Variants in TSPAN9 observed in about 807,000 individuals in gnomAD.
TSPAN9 encodes the protein tetraspanin-9.
In TSPAN9, 16 loss-of-function variants were observed where a neutral mutation model predicts 31.0. The observed-to-expected ratio is 0.52, with a 90% CI of 0.35 to 0.78. The LOEUF is 0.78. Among genes scored for constraint, TSPAN9 ranks in the 30% least tolerant of loss-of-function variants. The pLI, the probability that TSPAN9 is intolerant of heterozygous loss-of-function variation, is 0.01. For synonymous variants in TSPAN9, 145 were observed against 121.6 expected (o/e 1.19, Z -1.27); for missense variants, 272 against 312.5 (o/e 0.87, Z 0.98).
At chr12:3,151,458 G>C (rs1565594028) in intron 2 of TSPAN9, 1 of 152,222 alleles carries the variant, frequency 6.6e-6, no homozygotes, top group Non-Finnish European at 1.5e-5. Flanking sequence ...TTGCTTACAG[G>C]AGGGGCCGGC....
intron 1 of TSPAN9, 80 bp from the exon 2 acceptor site, chr12:3,083,573 A>G (rs2098298948): frequency 6.6e-6 from 1 of 152,270 alleles, no homozygotes; most frequent in South Asian, 2.1e-4. Context: ...GCTGCCCCAA[A>G]GAGTGGTCCT....
rs990105586 is a variant in TSPAN9, at chr12:3,147,941, A to T, written c.-17-53236A>T. On this transcript the variant is annotated intron_variant, in intron 2 of 8. Transcript: ENST00000011898. This position sits in a 1 kb window ranked among gnomAD's most constrained non-coding sequence, Gnocchi z 4.3. ...GGGGGCACAGCTTGGCAGATAAAGG[A>T]TGGGCTCCTGCAAGTCTAATCTGGG... Among the ~76,000 whole-genome samples the T allele has an allele frequency of 6.6e-5, 10 of 152,106 alleles. No homozygotes were observed. The highest frequency in any genetic ancestry group is 1.3e-4 in the Non-Finnish European group (9 of 68,018).
chr12:3,153,640 C>T (rs117449959), intron 2 of TSPAN9, among the ~76,000 whole-genome samples: 1 of 152,052 alleles, frequency 6.6e-6, no homozygotes, highest in Non-Finnish European at 1.5e-5. Flanking sequence ...TTTTAACTTA[C>T]CTAAATAGTA....
At chr12:3,218,001 G>A (rs11062578) in intron 3 of TSPAN9, among the ~76,000 whole-genome samples, 10,411 of 152,244 alleles carry the variant, frequency 0.068, 438 homozygotes, top group Non-Finnish European at 0.092. Flanking sequence ...AGGTCATTGT[G>A]TGGTGTGTGG....
chr12:3,132,177 C>T (rs2098330091), intron 2 of TSPAN9, among the ~76,000 whole-genome samples: 1 of 152,144 alleles, frequency 6.6e-6, no homozygotes, highest in African/African-American at 2.4e-5. Context: ...TGTTGATGGA[C>T]ATTTGGGTTG....
rs369491933 is a variant in TSPAN9 at position 3,090,376 on chromosome 12, C to A, written c.-18+6657C>A. On this transcript the variant is annotated intron_variant, in intron 2 of 8. Transcript: ENST00000011898. ...TTTTGGGCTGGTCTCTGCAGTCTTG[C>A]CTGGGCTTATTAATGCGGTAGCAGT... 3.5e-4 allele frequency among the ~76,000 whole-genome samples: 54 copies of A among 152,288 alleles called. No homozygotes were observed. The South Asian group carries it at 0.011, about 30-fold the overall frequency.
chr12:3,083,227 G>A (rs1255513602), intron 1 of TSPAN9, among the ~76,000 whole-genome samples: 3 of 152,280 alleles, frequency 2.0e-5, no homozygotes, highest in Non-Finnish European at 4.4e-5. Flanking sequence ...TAGCGTACGC[G>A]ATGCAAACAC....
rs1368749450 is a variant in TSPAN9, at chr12:3,143,601, G to C, written c.-17-57576G>C. Among the ~76,000 whole-genome samples, 1 of 152,082 alleles carries C rather than the reference G, an allele frequency of 6.6e-6. No individual in the cohort carries two copies. Among genetic ancestry groups the C allele is most frequent in the Admixed American group, 6.6e-5 (1 of 15,260 alleles). ...CACAGATAAAAAGTATAAATGTATG[G>C]ATATAGGATATATAATAAATATCAG... On this transcript the variant is annotated intron_variant, in intron 2 of 8. Coordinates refer to ENST00000011898, the MANE Select transcript of TSPAN9 (RefSeq NM_006675.5). The surrounding 1 kb of genome is among the most constrained non-coding windows in gnomAD (Gnocchi z 4.2).
intron 2 of TSPAN9, among the ~76,000 whole-genome samples, chr12:3,183,220 A>G (rs1220871275): frequency 6.6e-6 from 1 of 152,108 alleles, no homozygotes; most frequent in Non-Finnish European, 1.5e-5. Flanking sequence ...TTTCTCTTCC[A>G]CTGCATCCCT....
chr12:3,207,023 C>G (rs1431104367), intron 3 of TSPAN9, among the ~76,000 whole-genome samples: 1 of 152,072 alleles, frequency 6.6e-6, no homozygotes, highest in East Asian at 1.9e-4. Flanking sequence ...TGGACACATG[C>G]AATGGGCTGA....
intron 3 of TSPAN9, among the ~76,000 whole-genome samples, chr12:3,221,446 C>T (rs755129180): frequency 6.7e-6 from 1 of 150,226 alleles, no homozygotes; most frequent in African/African-American, 2.5e-5. Flanking sequence ...GCAATCTCTG[C>T]CCCCCAGGTT....
intron 3 of TSPAN9, among the ~76,000 whole-genome samples, chr12:3,261,156 G>T (rs980261600): frequency 1.3e-5 from 2 of 152,200 alleles, no homozygotes; most frequent in African/African-American, 2.4e-5. Context: ...GATTTGCGGG[G>T]ATGTGGCCTA....
intron 2 of TSPAN9, chr12:3,200,877 A>C: frequency 3.6e-6 from 1 of 277,116 alleles, no homozygotes; most frequent in Non-Finnish European, 6.7e-6. Context: ...CCATTCTGGG[A>C]GCGATGCCCC....
rs1239701960 is a variant in TSPAN9 at position 3,285,764 on chromosome 12, A to G, written c.*2648A>G. On this transcript the variant is annotated 3_prime_UTR_variant, in exon 9 of 9. Coordinates refer to ENST00000011898, the MANE Select transcript of TSPAN9 (RefSeq NM_006675.5). ...CAGGTCTGATGTGAGCAATTTACAC[A>G]CTTGTCTCAGAAAGTCCCTCAGGGT... The G allele has an allele frequency of 6.6e-6, 1 of 152,094 alleles. No individual in the cohort carries two copies. The highest frequency in any genetic ancestry group is 6.5e-5 in the Admixed American group (1 of 15,282). 9.4% of individuals were successfully genotyped at this position (152,094 alleles called of 1,614,324 possible). A position where few individuals can be genotyped will look rare whatever the true frequency, so the allele number is the denominator to read the frequency against.
intron 2 of TSPAN9, chr12:3,173,127 T>A (rs191833608): frequency 6.5e-6 from 1 of 152,708 alleles, no homozygotes; most frequent in African/African-American, 2.4e-5. Context: ...ACTGACCTGG[T>A]CGGCTGTGCC....
rs1426241959 is a variant in TSPAN9 at position 3,121,533 on chromosome 12, C to CGTT, written c.-18+37814_-18+37815insGTT. The stretch of plus-strand genomic sequence containing the variant: ...TGCCACCATATCTGGCTAATTAAAA[C>CGTT]TTTTTTTTTTTTTTTTTTTTTTTTT... On this transcript the variant is annotated intron_variant, in intron 2 of 8. Coordinates refer to ENST00000011898, the MANE Select transcript of TSPAN9 (RefSeq NM_006675.5). 8.9e-4 allele frequency among the ~76,000 whole-genome samples: 83 copies of CGTT among 92,914 alleles called. 12 individuals carry two copies. Among genetic ancestry groups the CGTT allele is most frequent in the African/African-American group, 1.4e-3 (33 of 23,514 alleles). The allele number at this position is 92,914 out of a possible 152,430, so 61.0% of individuals were successfully genotyped here.
intron 2 of TSPAN9, among the ~76,000 whole-genome samples, chr12:3,103,057 G>C (rs2098312595): frequency 6.6e-6 from 1 of 152,190 alleles, no homozygotes; most frequent in Middle Eastern, 3.2e-3. Flanking sequence ...CTCCCTTGGG[G>C]GATGTCAAGA....
At chr12:3,278,727 G>T in intron 4 of TSPAN9, 115 bp downstream of exon 4, 1 of 1,389,626 alleles carries the variant, frequency 7.2e-7, no homozygotes, top group Non-Finnish European at 9.7e-7. Flanking sequence ...TGAGCCCAGG[G>T]AAACTGCTTC....
rs141381055 is a variant in TSPAN9 at position 3,213,160 on chromosome 12, G to A, written c.63+11904G>A. Among the ~76,000 whole-genome samples the A allele has an allele frequency of 2.5e-3, 375 of 152,284 alleles. 2 individuals are homozygous for A. The highest frequency in any genetic ancestry group is 8.5e-3 in the African/African-American group (352 of 41,560). ...CATGCGGGGAAGGGCATTAAAGAAC[G>A]CCAGGTGGAGGAAGGTCTGGAGGAC... On this transcript the variant is annotated intron_variant, in intron 3 of 8. Coordinates refer to ENST00000011898, the MANE Select transcript of TSPAN9 (RefSeq NM_006675.5).
Sources: allele counts gnomAD v4.1 joint callset (sites outside exome capture counted in the v4.1 genomes callset), GRCh38; gene constraint gnomAD v4.1.1; non-coding constraint Gnocchi (gnomAD v3.1); transcripts MANE v1.5; gene names NCBI Gene and HGNC (gene_info 2026-07-23, HGNC 2026-07-21).